The following NCAM2 variants were observed in gnomAD, a reference collection of about 807,000 sequenced individuals.
The protein encoded by NCAM2 is N-CAM-2.
Under a neutral mutation model 98.1 loss-of-function variants are expected in NCAM2, and 30 were observed. The ratio of observed to expected loss-of-function variants is 0.31; its 90% CI spans 0.23 to 0.41. The LOEUF is 0.41. NCAM2 is among the 10% of genes least tolerant of loss of function. The probability of loss-of-function intolerance (pLI) is 1.00; values close to 1 mark genes in which losing one functional copy is unlikely to be tolerated. For synonymous variants in NCAM2, 368 were observed against 342.4 expected (o/e 1.07, Z -0.83); for missense variants, 867 against 1,005.8 (o/e 0.86, Z 1.87).
At chr21:21,356,226 A>G (rs1275722361) in intron 8 of NCAM2, among the ~76,000 whole-genome samples, 1 of 152,190 alleles carries the variant, frequency 6.6e-6, no homozygotes, top group Non-Finnish European at 1.5e-5. Context: ...AATATTTCTT[A>G]CAACACTGCT....
At chr21:21,357,759 A>G (rs2075530464) in intron 8 of NCAM2, among the ~76,000 whole-genome samples, 1 of 152,124 alleles carries the variant, frequency 6.6e-6, no homozygotes. Context: ...GCAATTATAG[A>G]CAATTCTTAG....
intron 6 of NCAM2, among the ~76,000 whole-genome samples, chr21:21,326,365 A>G (rs911303971): frequency 6.6e-6 from 1 of 152,214 alleles, no homozygotes; most frequent in Non-Finnish European, 1.5e-5. Context: ...GGATAATATT[A>G]GAACACTTAC....
chr21:21,034,341 T>C (rs548913980), intron 1 of NCAM2, among the ~76,000 whole-genome samples: 1 of 152,220 alleles, frequency 6.6e-6, no homozygotes, highest in East Asian at 1.9e-4. Context: ...TTTAAGCTAG[T>C]TTTTCTAGAA....
At chr21:21,026,473 A>G (rs2064547210) in intron 1 of NCAM2, among the ~76,000 whole-genome samples, 1 of 151,958 alleles carries the variant, frequency 6.6e-6, no homozygotes, top group East Asian at 2.0e-4. Flanking sequence ...AAAAATATAA[A>G]AATTAGCTGG....
At chr21:21,487,847 T>C (rs1468979122) in intron 15 of NCAM2, among the ~76,000 whole-genome samples, 1 of 152,174 alleles carries the variant, frequency 6.6e-6, no homozygotes, top group Non-Finnish European at 1.5e-5. Context: ...GTAAATTCTT[T>C]CCTATAAAAT....
At chr21:21,296,734 C>A (rs565375374) in intron 5 of NCAM2, among the ~76,000 whole-genome samples, 1 of 151,614 alleles carries the variant, frequency 6.6e-6, no homozygotes, top group South Asian at 2.1e-4. Context: ...AAGAGGAAGG[C>A]GTACAATAAA....
intron 7 of NCAM2, among the ~76,000 whole-genome samples, 195 bp downstream of exon 7, chr21:21,335,860 G>T (rs950840104): frequency 2.6e-5 from 4 of 152,004 alleles, no homozygotes; most frequent in Non-Finnish European, 5.9e-5. Context: ...GCAAATTTTT[G>T]TAAGTCATTG....
intron 1 of NCAM2, among the ~76,000 whole-genome samples, chr21:21,082,373 TA>T (rs1260525220): frequency 6.7e-5 from 10 of 148,902 alleles, no homozygotes; most frequent in African/African-American, 7.4e-5. Context: ...AATTTCTAAT[TA>T]AAAAAAAAAG....
At chr21:21,118,496 T>G (rs77889344) in intron 1 of NCAM2, among the ~76,000 whole-genome samples, 3 of 152,138 alleles carry the variant, frequency 2.0e-5, no homozygotes, top group African/African-American at 7.2e-5. Context: ...GTGAGGGACC[T>G]TGTAGGTTGA....
intron 15 of NCAM2, among the ~76,000 whole-genome samples, chr21:21,502,994 G>A (rs1449229651): frequency 6.6e-6 from 1 of 151,906 alleles, no homozygotes; most frequent in Non-Finnish European, 1.5e-5. Flanking sequence ...GAATCTAATA[G>A]TGCAGTGGTT....
chr21:21,326,169 G>C (rs1224207443), intron 6 of NCAM2, among the ~76,000 whole-genome samples: 1 of 152,120 alleles, frequency 6.6e-6, no homozygotes. Context: ...TGGAAACTGG[G>C]TGTGTGATTG....
chr21:21,496,050 T>G (rs1362012133), intron 15 of NCAM2, among the ~76,000 whole-genome samples: 1 of 149,872 alleles, frequency 6.7e-6, no homozygotes, highest in East Asian at 1.9e-4. Context: ...AACATGCCCT[T>G]TAACAAAGTA....
At chr21:21,268,643 C>T (rs1406609151) in intron 1 of NCAM2, among the ~76,000 whole-genome samples, 2 of 152,126 alleles carry the variant, frequency 1.3e-5, no homozygotes, top group Non-Finnish European at 2.9e-5. Flanking sequence ...AGCCATTGTA[C>T]ATGAGAATAT....
rs73334364 is a variant in NCAM2 at position 21,189,605 on chromosome 21, G to A, written c.56-90973G>A. Among the ~76,000 whole-genome samples, 517 of 152,238 alleles carry A rather than the reference G, an allele frequency of 3.4e-3. 6 individuals carry two copies. The highest frequency in any genetic ancestry group is 0.012 in the African/African-American group (494 of 41,550). On this transcript the variant is annotated intron_variant, in intron 1 of 17. Coordinates refer to ENST00000400546, the MANE Select transcript of NCAM2 (RefSeq NM_004540.5). ...AAAATAAATTCCAGACTTGATTTTAGCAAGTTTTAGAAAGTACCATAATTG... is the reference window on the plus strand; with the variant it reads ...AAAATAAATTCCAGACTTGATTTTAACAAGTTTTAGAAAGTACCATAATTG...
chr21:21,531,412 G>A (rs1482724268), intron 16 of NCAM2, among the ~76,000 whole-genome samples: 1 of 152,154 alleles, frequency 6.6e-6, no homozygotes, highest in Non-Finnish European at 1.5e-5. Flanking sequence ...ACATGCATCA[G>A]CTATTACAAG....
At position 21,436,813 on chromosome 21, in the gene NCAM2, G is replaced by A. The variant is rs114171195; in HGVS notation, c.1654+4532G>A. 2.3e-3 allele frequency among the ~76,000 whole-genome samples: 350 copies of A among 150,882 alleles called. 4 individuals carry two copies. Among genetic ancestry groups the A allele is most frequent in the African/African-American group, 8.3e-3 (339 of 40,968 alleles). On this transcript the variant is annotated intron_variant, in intron 12 of 17. Transcript: ENST00000400546. The stretch of plus-strand genomic sequence containing the variant: ...GAATCTTGCTCTTGTCCAGGCTAGA[G>A]GACAGTGGCGTGATCTCAGCTCACT...
intron 1 of NCAM2, among the ~76,000 whole-genome samples, chr21:21,085,384 C>T (rs1041257438): frequency 2.6e-5 from 4 of 152,092 alleles, no homozygotes; most frequent in African/African-American, 7.2e-5. Flanking sequence ...GAACTTTGCC[C>T]TCTGCACATC....
intron 1 of NCAM2, among the ~76,000 whole-genome samples, chr21:21,049,854 A>G (rs193246632): frequency 6.6e-6 from 1 of 150,998 alleles, no homozygotes; most frequent in Non-Finnish European, 1.5e-5. Context: ...CTGGGCAAAA[A>G]GAGTGAAACT....
At chr21:21,305,803 C>CT (rs928953052) in intron 5 of NCAM2, among the ~76,000 whole-genome samples, 15 of 151,966 alleles carry the variant, frequency 9.9e-5, no homozygotes, top group Middle Eastern at 3.4e-3. Context: ...GTATATTGAT[C>CT]TTTTTTTCTG....
Sources: allele counts gnomAD v4.1 joint callset (sites outside exome capture counted in the v4.1 genomes callset), GRCh38; gene constraint gnomAD v4.1.1; transcripts MANE v1.5; gene names NCBI Gene and HGNC (gene_info 2026-07-23, HGNC 2026-07-21).